SYNE2: variants seen among roughly 807,000 people sequenced by gnomAD.
The protein encoded by SYNE2 is nesprin-2.
SYNE2 carries 431 observed loss-of-function variants against 856.3 expected under a neutral mutation model. That is an observed-to-expected ratio of 0.50 (90% CI 0.47 to 0.55). The LOEUF (loss-of-function observed/expected upper bound fraction) is 0.55, where lower values mean the gene tolerates loss of function less well. SYNE2 is among the 20% of genes least tolerant of loss of function. The pLI, the probability that SYNE2 is intolerant of heterozygous loss-of-function variation, is 0.00. For synonymous variants in SYNE2, 2,923 were observed against 2,872.3 expected, an observed-to-expected ratio of 1.02 and a Z score of -0.56; for missense variants, 8,129 against 8,023.2, an observed-to-expected ratio of 1.01 and a Z score of -0.50.
chr14:63,935,898 G>A (rs1181371305), intron 2 of SYNE2, among the ~76,000 whole-genome samples: 2 of 151,940 alleles, frequency 1.3e-5, no homozygotes, highest in African/African-American at 2.4e-5. Flanking sequence ...TTATTGAGAC[G>A]GAGTCTCGCT....
At chr14:63,814,669 C>CATATATATCCAT (rs1888781534) in intron 1 of SYNE2, among the ~76,000 whole-genome samples, 2 of 55,714 alleles carry the variant, frequency 3.6e-5, no homozygotes, top group African/African-American at 1.1e-4. Context: ...TATATATATC[C>CATATATATCCAT]ATATATATCC....
At chr14:63,838,186 A>G (rs185141273) in intron 1 of SYNE2, among the ~76,000 whole-genome samples, 4 of 152,072 alleles carry the variant, frequency 2.6e-5, no homozygotes, top group Non-Finnish European at 4.4e-5. Flanking sequence ...CCTGGTGAAC[A>G]TGGGGAAACC....
intron 58 of SYNE2, among the ~76,000 whole-genome samples, chr14:64,088,173 A>G (rs1243459055): frequency 2.0e-5 from 3 of 152,204 alleles, no homozygotes; most frequent in African/African-American, 7.2e-5. Flanking sequence ...ACAGAGCAGG[A>G]TTCTGTCAAA....
At chr14:64,091,976 C>T (rs1362677908) in intron 60 of SYNE2, among the ~76,000 whole-genome samples, 1 of 152,122 alleles carries the variant, frequency 6.6e-6, no homozygotes. Context: ...TTTGAGGAGA[C>T]TGTAATCTCT....
intron 1 of SYNE2, among the ~76,000 whole-genome samples, chr14:63,830,166 C>T (rs1595153382): frequency 6.6e-6 from 1 of 151,936 alleles, no homozygotes; most frequent in South Asian, 2.1e-4. Flanking sequence ...TATGCAATGT[C>T]CAGATTAGGG....
intron 1 of SYNE2, among the ~76,000 whole-genome samples, chr14:63,881,687 T>C (rs1198982837): frequency 6.6e-6 from 1 of 151,792 alleles, no homozygotes; most frequent in East Asian, 1.9e-4. Flanking sequence ...TTAATTAATC[T>C]GCCACATCAG....
chr14:64,182,653 C>T (rs1196156364), intron 96 of SYNE2, among the ~76,000 whole-genome samples: 1 of 152,132 alleles, frequency 6.6e-6, no homozygotes, highest in African/African-American at 2.4e-5. Context: ...CGCCCTTAAT[C>T]CATTTAATCC....
chr14:63,835,938 G>C (rs1275048507), intron 1 of SYNE2, among the ~76,000 whole-genome samples: 4 of 150,234 alleles, frequency 2.7e-5, no homozygotes, highest in African/African-American at 4.9e-5. Context: ...AGCTGAGATC[G>C]TGCCGTTGCA....
intron 6 of SYNE2, among the ~76,000 whole-genome samples, chr14:63,948,760 G>GTGTA (rs1297322017): frequency 2.9e-4 from 16 of 54,958 alleles, no homozygotes; most frequent in African/African-American, 9.0e-4. Flanking sequence ...GTATATATAT[G>GTGTA]TATATATATG....
chr14:64,141,804 C>T lies in SYNE2; in HGVS notation c.15160-138C>T. ...GGGTCGCTTATTCTAAGTTTGAATG[C>T]TGGGTTTGTTTTTTTTTTGAGTAAC... On this transcript the variant is annotated intron_variant, in intron 81 of 115. Coordinates refer to ENST00000555002, the MANE Select transcript of SYNE2 (RefSeq NM_182914.3). 5 of 1,160,526 alleles carry T rather than the reference C, an allele frequency of 4.3e-6. No individual in the cohort carries two copies. The South Asian group carries it at 4.4e-5, about 10-fold the overall frequency. The allele number at this position is 1,160,526 out of a possible 1,614,324, so 71.9% of individuals were successfully genotyped here. A position where few individuals can be genotyped will look rare whatever the true frequency, so the allele number is the denominator to read the frequency against.
At chr14:64,023,064 A>G (rs2096949172) in intron 38 of SYNE2, 1 of 562,368 alleles carries the variant, frequency 1.8e-6, no homozygotes, top group Admixed American at 3.2e-5. Context: ...TAAAAGGTTC[A>G]CCAAGCTCAT....
At chr14:64,013,247 A>G (rs1356125473) in intron 32 of SYNE2, among the ~76,000 whole-genome samples, 1 of 152,232 alleles carries the variant, frequency 6.6e-6, no homozygotes, top group East Asian at 1.9e-4. Context: ...CAAATAAATG[A>G]AGTATATCAA....
chr14:63,854,926 A>G (rs1447460780), intron 1 of SYNE2, among the ~76,000 whole-genome samples: 7 of 152,220 alleles, frequency 4.6e-5, no homozygotes, highest in South Asian at 2.1e-4. Context: ...GTGAAAAGCA[A>G]TTGGTTCATT....
chr14:64,004,304 G>A (rs1165956956), intron 30 of SYNE2, among the ~76,000 whole-genome samples: 1 of 151,576 alleles, frequency 6.6e-6, no homozygotes, highest in Admixed American at 6.6e-5. Flanking sequence ...AAAGTGCTGG[G>A]ATTACAGGTG....
rs528064472 is a variant in SYNE2 at position 64,062,878 on chromosome 14, C to T, written c.10195C>T (p.Arg3399Cys). The T allele has an allele frequency of 5.9e-5, 95 of 1,614,112 alleles. 1 individual carries two copies. In the South Asian group the frequency reaches 7.4e-4, roughly 12 times the overall value. The change falls in exon 50 of 116, where the codon CGC becomes TGC. Residue 3399 changes from arginine (R) to cysteine (C), a missense_variant. Coordinates refer to ENST00000555002, the MANE Select transcript of SYNE2 (RefSeq NM_182914.3). The stretch of plus-strand genomic sequence containing the variant: ...ACTGTCTTACAGAGAAGCTTTAGAG[C>T]GCTTGGAACAGAGCAAGGTAATAGT... ...LPLSYREALE[R>C]LEQSKALVSN...
chr14:64,156,436 CTTCT>C (rs750592528), intron 85 of SYNE2, among the ~76,000 whole-genome samples: 5 of 149,948 alleles, frequency 3.3e-5, no homozygotes, highest in African/African-American at 9.9e-5. Flanking sequence ...CCTTGCCTTT[CTTCT>C]TTATTTTCTT....
At position 64,027,735 on chromosome 14, in the gene SYNE2, G is replaced by A. The variant is rs368779322; in HGVS notation, c.6656G>A (p.Ser2219Asn). 6.2e-6 allele frequency: 10 copies of A among 1,613,902 alleles called. No homozygotes were observed. The South Asian group carries it at 7.7e-5, about 12-fold the overall frequency. Residue 2219 changes from serine (S) to asparagine (N), a missense_variant, in exon 43 of 116, where the codon AGT becomes AAT. Transcript: ENST00000555002. ...LLECTKNPSF[S>N]EEPWLEIKHL... ...GAGTGCACTAAAAATCCCAGCTTCA[G>A]TGAAGAGCCTTGGCTGGAAATAAAG... is the stretch of plus-strand genomic sequence containing the variant.
chr14:64,145,571 A>T (rs2098177084), intron 83 of SYNE2, among the ~76,000 whole-genome samples: 1 of 152,100 alleles, frequency 6.6e-6, no homozygotes, highest in Non-Finnish European at 1.5e-5. Flanking sequence ...AAAAGAATAT[A>T]AAAATGTGTG....
intron 85 of SYNE2, among the ~76,000 whole-genome samples, chr14:64,156,910 T>C (rs532499491): frequency 5.3e-5 from 8 of 152,318 alleles, no homozygotes; most frequent in Non-Finnish European, 8.8e-5. Flanking sequence ...GGGGCAGAGA[T>C]TGAGGAGCCT....
Sources: allele counts gnomAD v4.1 joint callset (sites outside exome capture counted in the v4.1 genomes callset), GRCh38; gene constraint gnomAD v4.1.1; transcripts MANE v1.5; gene names NCBI Gene and HGNC (gene_info 2026-07-23, HGNC 2026-07-21).